RBFOX1: variants seen among roughly 807,000 people sequenced by gnomAD.
The protein encoded by RBFOX1 is RNA binding protein fox-1 homolog 1.
RBFOX1 carries 8 observed loss-of-function variants against 57.7 expected under a neutral mutation model. The observed-to-expected ratio is 0.14, with a 90% CI of 0.08 to 0.25. RBFOX1 has a LOEUF of 0.25. RBFOX1 is among the 10% of genes least tolerant of loss of function. The probability of loss-of-function intolerance (pLI) is 1.00; values close to 1 mark genes in which losing one functional copy is unlikely to be tolerated. For missense variants in RBFOX1, 611 were observed against 548.5 expected (o/e 1.11, Z -1.14); for synonymous variants, 326 against 222.4 (o/e 1.47, Z -4.15).
At chr16:5,631,377 C>T (rs976564318) in intron 3 of RBFOX1, among the ~76,000 whole-genome samples, 1 of 151,966 alleles carries the variant, frequency 6.6e-6, no homozygotes, top group African/African-American at 2.4e-5. Flanking sequence ...GCCAATATGG[C>T]AAAACTCCAT....
intron 1 of RBFOX1, among the ~76,000 whole-genome samples, chr16:6,170,801 T>G (rs539205125): frequency 1.3e-5 from 2 of 152,302 alleles, no homozygotes; most frequent in East Asian, 3.9e-4. Flanking sequence ...TGTGTCCCTG[T>G]GTTCTCTTTA....
Position 5,624,104 on chromosome 16 carries a change from G to C in RBFOX1, c.318+25143G>C, listed in dbSNP as rs562596747. Among the ~76,000 whole-genome samples, 241 of 152,216 alleles carry C rather than the reference G, an allele frequency of 1.6e-3. 1 individual carries two copies. The highest frequency in any genetic ancestry group is 5.3e-3 in the African/African-American group (220 of 41,472). On this transcript the variant is annotated intron_variant, in intron 3 of 19. Transcript: ENST00000641259. ...AAGGGATTAAAGAGTTTGGGGATTT[G>C]GAAAAGCAAAGGAGAACATTTTAGG...
At chr16:7,140,140 T>C (rs1273705604) in intron 4 of RBFOX1, among the ~76,000 whole-genome samples, 14 of 127,214 alleles carry the variant, frequency 1.1e-4, no homozygotes, top group Non-Finnish European at 2.2e-4. Flanking sequence ...CTCATTCTCT[T>C]ATTCTCTCCT....
At position 5,947,087 on chromosome 16, in the gene RBFOX1, C is replaced by T. The variant is rs552025049; in HGVS notation, c.351+79752C>T. ...AATAAAATCATCCCATGTGGTTGTG[C>T]ATACTGTAGTCCCAGATACTCAGGA... On this transcript the variant is annotated intron_variant, in intron 4 of 19. Transcript: ENST00000641259. The surrounding 1 kb of genome is among the most constrained non-coding windows in gnomAD (Gnocchi z 7.2). Among the ~76,000 whole-genome samples, 1 of 152,098 alleles carries T rather than the reference C, an allele frequency of 6.6e-6. No individual in the cohort carries two copies. Among genetic ancestry groups the T allele is most frequent in the African/African-American group, 2.4e-5 (1 of 41,408 alleles).
chr16:6,766,857 T>C (rs1192544118), intron 3 of RBFOX1, among the ~76,000 whole-genome samples: 1 of 152,034 alleles, frequency 6.6e-6, no homozygotes. Flanking sequence ...GGGAAGCATG[T>C]TCTAAGCTGA....
intron 1 of RBFOX1, among the ~76,000 whole-genome samples, chr16:5,354,876 G>A (rs1294729126): frequency 6.6e-6 from 1 of 152,196 alleles, no homozygotes; most frequent in Non-Finnish European, 1.5e-5. Flanking sequence ...GAGGGTGTTG[G>A]CTTGGTTCCA....
intron 1 of RBFOX1, among the ~76,000 whole-genome samples, chr16:6,133,072 A>T (rs2096641362): frequency 6.6e-6 from 1 of 150,542 alleles, no homozygotes; most frequent in South Asian, 2.1e-4. Flanking sequence ...GCCTCAAAGG[A>T]TGCAAGTTAT....
chr16:7,163,289 C>T (rs1027819773), intron 4 of RBFOX1, among the ~76,000 whole-genome samples: 11 of 152,110 alleles, frequency 7.2e-5, no homozygotes, highest in African/African-American at 1.2e-4. Context: ...GTTGTATAAA[C>T]GTCACTGTGG....
intron 4 of RBFOX1, among the ~76,000 whole-genome samples, chr16:7,055,317 G>C (rs1282953372): frequency 6.6e-6 from 1 of 152,106 alleles, no homozygotes; most frequent in Non-Finnish European, 1.5e-5. Context: ...TATTATCTGT[G>C]AGTTATAGAC....
chr16:7,493,874 G>C (rs1263008309), intron 4 of RBFOX1, among the ~76,000 whole-genome samples: 1 of 152,192 alleles, frequency 6.6e-6, no homozygotes, highest in East Asian at 1.9e-4. Context: ...CATTATCATT[G>C]TCATCATCAT....
At chr16:6,840,336 T>A (rs1028378452) in intron 3 of RBFOX1, among the ~76,000 whole-genome samples, 1 of 152,212 alleles carries the variant, frequency 6.6e-6, no homozygotes, top group South Asian at 2.1e-4. Context: ...GCCTCTAACA[T>A]TCATTCGTTC....
chr16:6,115,927 C>G lies in RBFOX1; in HGVS notation c.-127+95935C>G, dbSNP rs2096491986. Among the ~76,000 whole-genome samples the G allele has an allele frequency of 1.3e-5, 2 of 152,034 alleles. 1 individual carries two copies. The highest frequency in any genetic ancestry group is 4.2e-4 in the South Asian group (2 of 4,812). The stretch of plus-strand genomic sequence containing the variant: ...TAGTGAGGTATAAATATCTCTAGTA[C>G]CCAAAGGATTATAAATCACTCTACT... On this transcript the variant is annotated intron_variant, in intron 1 of 15. Coordinates refer to ENST00000550418, the MANE Select transcript of RBFOX1 (RefSeq NM_018723.4).
intron 4 of RBFOX1, among the ~76,000 whole-genome samples, chr16:7,120,645 T>G (rs548540750): frequency 6.6e-6 from 1 of 150,922 alleles, no homozygotes; most frequent in East Asian, 1.9e-4. Context: ...ATAAAAATTT[T>G]CAGACACAAA....
At chr16:7,111,300 A>G (rs2064717034) in intron 4 of RBFOX1, among the ~76,000 whole-genome samples, 1 of 152,240 alleles carries the variant, frequency 6.6e-6, no homozygotes, top group Non-Finnish European at 1.5e-5. Flanking sequence ...CTAGCTAATC[A>G]ATGAAGATTA....
intron 2 of RBFOX1, among the ~76,000 whole-genome samples, chr16:6,644,619 T>A (rs1054839728): frequency 5.3e-5 from 8 of 152,224 alleles, no homozygotes; most frequent in African/African-American, 1.9e-4. Flanking sequence ...GGATATGTGA[T>A]CCTTACTTAG....
intron 3 of RBFOX1, among the ~76,000 whole-genome samples, chr16:6,952,514 T>A (rs1472592884): frequency 6.6e-6 from 1 of 151,942 alleles, no homozygotes; most frequent in Non-Finnish European, 1.5e-5. Flanking sequence ...CATGCACACC[T>A]GTAGTCCCAC....
At chr16:6,484,873 C>G (rs1391695842) in intron 2 of RBFOX1, among the ~76,000 whole-genome samples, 1 of 152,190 alleles carries the variant, frequency 6.6e-6, no homozygotes, top group South Asian at 2.1e-4. Context: ...ATTTTGGTTA[C>G]ACAGAAATGA....
intron 3 of RBFOX1, among the ~76,000 whole-genome samples, chr16:6,735,451 A>G (rs1433341810): frequency 2.0e-5 from 3 of 152,232 alleles, no homozygotes; most frequent in Non-Finnish European, 2.9e-5. Context: ...TAGTCTCTGC[A>G]GTGCCTGTCG....
chr16:7,272,611 AG>A (rs2095346096), intron 4 of RBFOX1, among the ~76,000 whole-genome samples: 1 of 152,200 alleles, frequency 6.6e-6, no homozygotes. Flanking sequence ...CTGAGCAGCC[AG>A]GCCTCTGGAT....
Sources: allele counts gnomAD v4.1 joint callset (sites outside exome capture counted in the v4.1 genomes callset), GRCh38; gene constraint gnomAD v4.1.1; non-coding constraint Gnocchi (gnomAD v3.1); transcripts MANE v1.5; gene names NCBI Gene and HGNC (gene_info 2026-07-23, HGNC 2026-07-21).